Variants in GLYCTK observed in about 807,000 individuals in gnomAD.
GLYCTK encodes glycerate kinase.
Under a neutral mutation model 24.8 loss-of-function variants are expected in GLYCTK, and 22 were observed. The observed-to-expected ratio is 0.89, with a 90% CI of 0.63 to 1.27. The LOEUF (loss-of-function observed/expected upper bound fraction) is 1.27. GLYCTK is among the 50% of genes most tolerant of loss of function. The pLI is 0.00. For synonymous variants in GLYCTK, 320 were observed against 297.2 expected, an observed-to-expected ratio of 1.08 and a Z score of -0.79; for missense variants, 684 against 686.7, an observed-to-expected ratio of 1.00 and a Z score of 0.04.
Position 52,290,300 on chromosome 3 carries a change from C to T in GLYCTK, c.-39-4C>T. On this transcript the variant is annotated splice_region_variant and splice_polypyrimidine_tract_variant and intron_variant, in intron 1 of 4. Coordinates refer to ENST00000436784, the MANE Select transcript of GLYCTK (RefSeq NM_145262.4). The stretch of plus-strand genomic sequence containing the variant: ...AGGGCCTCAGTTGTGCTTTTTCCCT[C>T]TAGGCAGCCATGGGTGCCAGGCAGT... 6.3e-7 allele frequency: 1 copy of T among 1,582,242 alleles called. No individual in the cohort carries two copies. Among genetic ancestry groups the T allele is most frequent in the South Asian group, 1.1e-5 (1 of 89,990 alleles).
Position 52,292,877 on chromosome 3 carries a change from G to A in GLYCTK, c.1323G>A (p.Pro441=), listed in dbSNP as rs780986541. The A allele has an allele frequency of 1.2e-5, 19 of 1,613,960 alleles. No individual in the cohort carries two copies. Among genetic ancestry groups the A allele is most frequent in the Middle Eastern group, 1.6e-4 (1 of 6,084 alleles). Residue 441 remains proline, a synonymous_variant, in exon 5 of 5, where the codon CCG becomes CCA. Coordinates refer to ENST00000436784, the MANE Select transcript of GLYCTK (RefSeq NM_145262.4). ...AGTTGAGAAGGTGGCCGCTGGGGCC[G>A]ATAGATGTGCTGTTTTTGAGCGGTG... ...GAELRRWPLG[P]IDVLFLSGGT...
Position 52,290,508 on chromosome 3 carries a change from C to A in GLYCTK, c.166C>A (p.His56Asn). Residue 56 changes from histidine to asparagine, a missense_variant, in exon 2 of 5, where the codon CAC becomes AAC. Physicochemically the swap from His to Asn is moderately conservative, Grantham distance 68. Coordinates refer to ENST00000436784, the MANE Select transcript of GLYCTK (RefSeq NM_145262.4). ...VGAVLPGPML[H>N]RALSLDPGGR... ...TGCAGTGCTGCCGGGCCCCATGCTG[C>A]ACCGGGCACTATCCTTGGACCCTGG... The A allele has an allele frequency of 1.9e-6, 3 of 1,613,510 alleles. No homozygotes were observed. Among genetic ancestry groups the A allele is most frequent in the Non-Finnish European group, 2.5e-6 (3 of 1,180,014 alleles).
In GLYCTK at chr3:52,293,821, C is replaced by T. The variant is rs760721069; in HGVS notation, c.*695C>T. ...TTCTCCAGCCTCAGCTTGTAGGCCT[C>T]GTTGGATGGATGTCCTTTCTGTCTT... is the stretch of plus-strand genomic sequence containing the variant. On this transcript the variant is annotated 3_prime_UTR_variant, in exon 5 of 5. Transcript: ENST00000436784. The T allele has an allele frequency of 4.4e-5, 20 of 453,938 alleles. No individual in the cohort carries two copies. Among genetic ancestry groups the T allele is most frequent in the Non-Finnish European group, 7.5e-5 (17 of 226,732 alleles). 28.1% of individuals were successfully genotyped at this position (453,938 alleles called of 1,614,324 possible). A position where few individuals can be genotyped will look rare whatever the true frequency, so the allele number is the denominator to read the frequency against.
chr3:52,292,097 A>G (rs1700487261), intron 4 of GLYCTK, among the ~76,000 whole-genome samples, 163 bp from the exon 5 acceptor site: 1 of 152,180 alleles, frequency 6.6e-6, no homozygotes, highest in Non-Finnish European at 1.5e-5. Flanking sequence ...AGGTGCCTGC[A>G]TGACCAGGTG....
In GLYCTK at chr3:52,292,161, T is replaced by C. The variant is rs573888726; in HGVS notation, c.706-99T>C. On this transcript the variant is annotated intron_variant, in intron 4 of 4. Coordinates refer to ENST00000436784, the MANE Select transcript of GLYCTK (RefSeq NM_145262.4). ...CCATGGGTAAGGAAATGCACTGAGT[T>C]GGGGGAGGGTGTGTGGATACCCTAG... 127 of 1,485,874 alleles carry C rather than the reference T, an allele frequency of 8.5e-5. 1 individual carries two copies. In the South Asian group the frequency reaches 1.3e-3, roughly 16 times the overall value. The allele number at this position is 1,485,874 out of a possible 1,614,324, so 92.0% of individuals were successfully genotyped here.
Position 52,290,617 on chromosome 3 carries a change from G to A in GLYCTK, c.275G>A (p.Gly92Asp). Residue 92 changes from glycine to aspartate, a missense_variant, in exon 2 of 5, where the codon GGT becomes GAT. Physicochemically the swap from Gly to Asp is moderately conservative, Grantham distance 94. Transcript: ENST00000436784. ...GTGGGCTTTGGCAAGGCTGTGCTGG[G>A]TATGGCAGCTGCAGCTGAGGAACTA... ...YLVGFGKAVL[G>D]MAAAAEELLG... The A allele has an allele frequency of 6.2e-7, 1 of 1,613,754 alleles. No homozygotes were observed. The highest frequency in any genetic ancestry group is 8.5e-7 in the Non-Finnish European group (1 of 1,180,046).
intron 4 of GLYCTK, 52 bp downstream of exon 4, chr3:52,291,974 C>A: frequency 1.3e-6 from 2 of 1,542,424 alleles, no homozygotes; most frequent in South Asian, 1.1e-5. Flanking sequence ...GCCAGGCCCA[C>A]ATGTGCCAGG....
At position 52,293,388 on chromosome 3, in the gene GLYCTK, C is replaced by A; in HGVS notation, c.*262C>A. 3.0e-6 allele frequency: 2 copies of A among 677,008 alleles called. No homozygotes were observed. The highest frequency in any genetic ancestry group is 3.0e-5 in the South Asian group (2 of 66,558). 41.9% of individuals were successfully genotyped at this position (677,008 alleles called of 1,614,324 possible). A position where few individuals can be genotyped will look rare whatever the true frequency, so the allele number is the denominator to read the frequency against. On this transcript the variant is annotated 3_prime_UTR_variant, in exon 5 of 5. Transcript: ENST00000436784. ...GCCAGTTCAGCGTTCCCGTGCTTCT[C>A]CCTTGGGCAGCCTCTCTCTTGAGCC... is the stretch of plus-strand genomic sequence containing the variant.
Position 52,290,952 on chromosome 3 carries a change from C to T in GLYCTK, c.378-8C>T, listed in dbSNP as rs141774124. The stretch of plus-strand genomic sequence containing the variant: ...CCATCTCTTGCGTGCTGACCTTTCC[C>T]TCCCCAGGGAGATGCTGCTGAAGCC... On this transcript the variant is annotated splice_region_variant and splice_polypyrimidine_tract_variant and intron_variant, in intron 2 of 4. Transcript: ENST00000436784. The T allele has an allele frequency of 1.9e-5, 31 of 1,614,030 alleles. 1 individual carries two copies. The African/African-American group carries it at 3.2e-4, about 17-fold the overall frequency.
intron 4 of GLYCTK, 143 bp from the exon 5 acceptor site, chr3:52,292,117 C>A: frequency 1.6e-6 from 2 of 1,252,428 alleles, no homozygotes; most frequent in African/African-American, 1.5e-5. Context: ...GTTTTGCAAG[C>A]CCACGTGAGA....
chr3:52,294,822 G>A lies in GLYCTK; in HGVS notation c.*1696G>A, dbSNP rs1477158767. On this transcript the variant is annotated 3_prime_UTR_variant, in exon 5 of 5. Coordinates refer to ENST00000436784, the MANE Select transcript of GLYCTK (RefSeq NM_145262.4). ...TGGGGCAGGGGCTGCAGGAGCTGAG[G>A]GCCTGGCAGCCATGTCCCCAGTGTG... is the stretch of plus-strand genomic sequence containing the variant. The A allele has an allele frequency of 8.8e-6, 4 of 454,076 alleles. No homozygotes were observed. The highest frequency in any genetic ancestry group is 1.8e-5 in the Non-Finnish European group (4 of 226,764). The allele number at this position is 454,076 out of a possible 1,614,324, so 28.1% of individuals were successfully genotyped here.
Position 52,293,434 on chromosome 3 carries a change from TGAA to T in GLYCTK, c.*310_*312del. Reference sequence around the variant, plus strand: ...GAGCCCCTCACCCTGTTTCTTTCTGTGAAGCGAGAATGTCTGAAAATAAATAGG... The same window carrying T: ...GAGCCCCTCACCCTGTTTCTTTCTGTGCGAGAATGTCTGAAAATAAATAGG... On this transcript the variant is annotated 3_prime_UTR_variant, in exon 5 of 5. Coordinates refer to ENST00000436784, the MANE Select transcript of GLYCTK (RefSeq NM_145262.4). 1.7e-6 allele frequency: 1 copy of T among 605,500 alleles called. No individual in the cohort carries two copies. Among genetic ancestry groups the T allele is most frequent in the Non-Finnish European group, 3.1e-6 (1 of 322,770 alleles). 37.5% of individuals were successfully genotyped at this position (605,500 alleles called of 1,614,324 possible). A position where few individuals can be genotyped will look rare whatever the true frequency, so the allele number is the denominator to read the frequency against.
chr3:52,293,495 C>T lies in GLYCTK; in HGVS notation c.*369C>T. 1 of 481,608 alleles carries T rather than the reference C, an allele frequency of 2.1e-6. No homozygotes were observed. Among genetic ancestry groups the T allele is most frequent in the South Asian group, 1.5e-5 (1 of 64,772 alleles). 29.8% of individuals were successfully genotyped at this position (481,608 alleles called of 1,614,324 possible). On this transcript the variant is annotated 3_prime_UTR_variant, in exon 5 of 5. Coordinates refer to ENST00000436784, the MANE Select transcript of GLYCTK (RefSeq NM_145262.4). Reference sequence around the variant, plus strand: ...CATGGGTTCTCAGTGCGCCTTCCCTCAGAGTGAGGCCTCACGGGGGAGCCG... The same window carrying T: ...CATGGGTTCTCAGTGCGCCTTCCCTTAGAGTGAGGCCTCACGGGGGAGCCG...
At chr3:52,288,658 T>C (rs1404735374) in intron 1 of GLYCTK, 3 of 152,236 alleles carry the variant, frequency 2.0e-5, no homozygotes, top group Non-Finnish European at 4.4e-5. Context: ...AGCCTTAGCA[T>C]TGAGCGTCCC....
chr3:52,292,325 C>A lies in GLYCTK; in HGVS notation c.771C>A (p.Thr257=). Residue 257 remains threonine (T), a synonymous_variant, in exon 5 of 5, where the codon ACC becomes ACA. Coordinates refer to ENST00000436784, the MANE Select transcript of GLYCTK (RefSeq NM_145262.4). ...TGGAGGTGATTGCCAGTGGCCCCAC[C>A]GTGGCCAGTTCCCACAATGTGCAAG... ...DPVEVIASGP[T]VASSHNVQDC... 1 of 1,613,932 alleles carries A rather than the reference C, an allele frequency of 6.2e-7. No homozygotes were observed. Among genetic ancestry groups the A allele is most frequent in the Non-Finnish European group, 8.5e-7 (1 of 1,179,948 alleles).
Position 52,290,955 on chromosome 3 carries a change from C to T in GLYCTK, c.378-5C>T. On this transcript the variant is annotated splice_region_variant and splice_polypyrimidine_tract_variant and intron_variant, in intron 2 of 4. Transcript: ENST00000436784. ...TCTCTTGCGTGCTGACCTTTCCCTC[C>T]CCAGGGAGATGCTGCTGAAGCCACA... 6.2e-7 allele frequency: 1 copy of T among 1,614,026 alleles called. No homozygotes were observed. The highest frequency in any genetic ancestry group is 8.5e-7 in the Non-Finnish European group (1 of 1,180,010).
Position 52,292,574 on chromosome 3 carries a change from T to C in GLYCTK, c.1020T>C (p.Asp340=), listed in dbSNP as rs139515541. ...TGCTGAGTGCAGCCATGCAAGGTGATGTAAAAAGTATGGCCCAGTTCTACG... is the reference window on the plus strand; with the variant it reads ...TGCTGAGTGCAGCCATGCAAGGTGACGTAAAAAGTATGGCCCAGTTCTACG... ...AVVLSAAMQG[D]VKSMAQFYGL... is the part of the protein sequence containing the mutation. The change falls in exon 5 of 5, where the codon GAT becomes GAC. Residue 340 remains aspartate, a synonymous_variant. Coordinates refer to ENST00000436784, the MANE Select transcript of GLYCTK (RefSeq NM_145262.4). 1.2e-6 allele frequency: 2 copies of C among 1,614,012 alleles called. No individual in the cohort carries two copies. Among genetic ancestry groups the C allele is most frequent in the Non-Finnish European group, 1.7e-6 (2 of 1,180,008 alleles).
rs759080391 is a variant in GLYCTK at position 52,292,352 on chromosome 3, T to C, written c.798T>C (p.Asp266=). 8.4e-5 allele frequency: 135 copies of C among 1,613,910 alleles called. No individual in the cohort carries two copies. Among genetic ancestry groups the C allele is most frequent in the Middle Eastern group, 1.6e-4 (1 of 6,080 alleles). Residue 266 remains aspartate (D), a synonymous_variant, in exon 5 of 5, where the codon GAT becomes GAC. Transcript: ENST00000436784. ...TGGCCAGTTCCCACAATGTGCAAGA[T>C]TGCCTGCATATCCTCAATCGCTACG... is the stretch of plus-strand genomic sequence containing the variant. ...PTVASSHNVQ[D]CLHILNRYGL...
chr3:52,292,303 A>T lies in GLYCTK; in HGVS notation c.749A>T (p.Glu250Val). Residue 250 changes from glutamate to valine, a missense_variant, in exon 5 of 5, where the codon GAG (glutamate) becomes GTG (valine). Physicochemically the swap from Glu to Val is moderately radical, Grantham distance 121 (BLOSUM62 -2). Coordinates refer to ENST00000436784, the MANE Select transcript of GLYCTK (RefSeq NM_145262.4). ...TCAGATGTGGTGGGGGACCCTGTGG[A>T]GGTGATTGCCAGTGGCCCCACCGTG... ...ILSDVVGDPV[E>V]VIASGPTVAS... is the part of the protein sequence containing the mutation. 2.5e-6 allele frequency: 4 copies of T among 1,613,850 alleles called. No individual in the cohort carries two copies. Among genetic ancestry groups the T allele is most frequent in the Non-Finnish European group, 3.4e-6 (4 of 1,179,918 alleles).
Sources: allele counts gnomAD v4.1 joint callset (sites outside exome capture counted in the v4.1 genomes callset), GRCh38; gene constraint gnomAD v4.1.1; transcripts MANE v1.5; gene names NCBI Gene and HGNC (gene_info 2026-07-23, HGNC 2026-07-21).